The following ADSS1 variants were observed in gnomAD, a reference collection of about 807,000 sequenced individuals.
ADSS1 encodes adenylosuccinate synthase 1.
A neutral mutation model predicts 59.1 loss-of-function variants in ADSS1; 57 were observed. That is an observed-to-expected ratio of 0.97 (90% CI 0.78 to 1.20). ADSS1 has a LOEUF of 1.20. Among genes scored for constraint, ADSS1 ranks in the 50% most tolerant of loss-of-function variants. ADSS1 has a pLI of 0.00. For missense variants in ADSS1, 603 were observed against 610.3 expected (o/e 0.99, Z 0.13); for synonymous variants, 247 against 249.4 (o/e 0.99, Z 0.09).
At chr14:104,745,924 C>CTT (rs10623258) in intron 11 of ADSS1, 116,802 of 218,660 alleles carry the variant, frequency 0.53, 33,138 homozygotes, top group African/African-American at 0.72. Context: ...TCTAGAGTCT[C>CTT]AGAATTTCCA....
In ADSS1 at chr14:104,738,453, C is replaced by T. The variant is rs1218652237; in HGVS notation, c.358+15C>T. Reference sequence around the variant, plus strand: ...TGAAAAGAAAGGTAGGTCCAAGCTCCTGCAGACTTGCCCTGTCCCAGACGC... The same window carrying T: ...TGAAAAGAAAGGTAGGTCCAAGCTCTTGCAGACTTGCCCTGTCCCAGACGC... On this transcript the variant is annotated intron_variant, in intron 3 of 12. Coordinates refer to ENST00000330877, the MANE Select transcript of ADSS1 (RefSeq NM_152328.5). 1.2e-6 allele frequency: 2 copies of T among 1,613,166 alleles called. No homozygotes were observed. Among genetic ancestry groups the T allele is most frequent in the Admixed American group, 1.7e-5 (1 of 60,002 alleles).
intron 1 of ADSS1, 144 bp downstream of exon 1, chr14:104,724,606 C>A (rs745401007): frequency 1.8e-6 from 2 of 1,103,938 alleles, no homozygotes; most frequent in African/African-American, 1.6e-5. Context: ...CCCAGGGCCA[C>A]CCCACCCACG....
At position 104,746,078 on chromosome 14, in the gene ADSS1, G is replaced by GA. The variant is rs902565510; in HGVS notation, c.1172-154dup. ...TCCCCTGCTTACCACCCAACACTGA[G>GA]AAAATCAAACTGGGCCACGTGCCCA... On this transcript the variant is annotated intron_variant, in intron 11 of 12. Coordinates refer to ENST00000330877, the MANE Select transcript of ADSS1 (RefSeq NM_152328.5). 121 of 912,090 alleles carry GA rather than the reference G, an allele frequency of 1.3e-4. No individual in the cohort carries two copies. The African/African-American group carries it at 1.6e-3, about 12-fold the overall frequency. The allele number at this position is 912,090 out of a possible 1,614,324, so 56.5% of individuals were successfully genotyped here. A position where few individuals can be genotyped will look rare whatever the true frequency, so the allele number is the denominator to read the frequency against.
At chr14:104,724,906 C>T (rs943889179) in intron 1 of ADSS1, among the ~76,000 whole-genome samples, 7 of 152,178 alleles carry the variant, frequency 4.6e-5, no homozygotes, top group African/African-American at 1.7e-4. Flanking sequence ...TAGGGCTTAC[C>T]TGGCTCCCCG....
chr14:104,744,658 A>G (rs534581213), intron 10 of ADSS1, 154 bp from the exon 11 acceptor site: 11 of 642,294 alleles, frequency 1.7e-5, no homozygotes, highest in South Asian at 7.7e-5. Flanking sequence ...CTGCAGCCCA[A>G]TTCCAAACAG....
intron 1 of ADSS1, among the ~76,000 whole-genome samples, chr14:104,727,515 C>T (rs922592731): frequency 3.9e-5 from 6 of 152,326 alleles, no homozygotes; most frequent in African/African-American, 1.2e-4. Context: ...TCTGCGGCCA[C>T]ATCACATCGT....
chr14:104,736,881 GATATATATATATATATATATATAT>G (rs57122419), intron 2 of ADSS1, among the ~76,000 whole-genome samples: 11 of 106,588 alleles, frequency 1.0e-4, no homozygotes, highest in Non-Finnish European at 1.9e-4. Flanking sequence ...GCACCTAGCT[GATATATATATATATATATATATAT>G]ATATATATGC....
chr14:104,734,351 C>T (rs1891038933), intron 1 of ADSS1, among the ~76,000 whole-genome samples: 2 of 152,332 alleles, frequency 1.3e-5, no homozygotes, highest in South Asian at 4.1e-4. Context: ...CTAGCTTATC[C>T]TCTAGCTTCC....
intron 8 of ADSS1, among the ~76,000 whole-genome samples, 164 bp from the exon 9 acceptor site, chr14:104,741,684 C>A (rs991804236): frequency 6.6e-6 from 1 of 152,248 alleles, no homozygotes; most frequent in Non-Finnish European, 1.5e-5. Context: ...GCACACAGCA[C>A]CCATTCGGCC....
chr14:104,746,309 C>T lies in ADSS1; in HGVS notation c.1245C>T (p.Gly415=), dbSNP rs200657817. The T allele has an allele frequency of 4.5e-4, 724 of 1,613,796 alleles. 5 individuals carry two copies. The highest frequency in any genetic ancestry group is 4.3e-3 in the Middle Eastern group (26 of 6,060). The stretch of plus-strand genomic sequence containing the variant: ...CTGGGTGGAAAGCAGACACCACAGG[C>T]GCCAGGAGGTGGGAGGACCTGCCCC... ...TLPGWKADTT[G]ARRWEDLPPQ... Residue 415 remains glycine (G), a synonymous_variant, in exon 12 of 13, where the codon GGC becomes GGT. Coordinates refer to ENST00000330877, the MANE Select transcript of ADSS1 (RefSeq NM_152328.5).
Position 104,746,944 on chromosome 14 carries a change from C to T in ADSS1, c.1322-7C>T, listed in dbSNP as rs967922524. 1.1e-5 allele frequency: 18 copies of T among 1,613,962 alleles called. No homozygotes were observed. Among genetic ancestry groups the T allele is most frequent in the Non-Finnish European group, 1.5e-5 (18 of 1,179,944 alleles). ...GTGTATCATAACAGTCTTTTCTGCT[C>T]TCTCAGTCAAATGGGTTGGTGTTGG... is the stretch of plus-strand genomic sequence containing the variant. On this transcript the variant is annotated splice_polypyrimidine_tract_variant and splice_region_variant and intron_variant, in intron 12 of 12. Transcript: ENST00000330877.
intron 10 of ADSS1, 39 bp downstream of exon 10, chr14:104,743,230 C>G (rs1177740534): frequency 6.2e-7 from 1 of 1,600,880 alleles, no homozygotes; most frequent in Admixed American, 1.7e-5. Context: ...GGGACCGTCC[C>G]TGACTCCCGA....
intron 2 of ADSS1, chr14:104,737,605 G>T (rs1891180970): frequency 6.6e-6 from 1 of 152,374 alleles, no homozygotes; most frequent in Non-Finnish European, 1.5e-5. Context: ...AATGTGTTTT[G>T]CATCCATCAC....
chr14:104,727,727 CCT>C (rs546863031), intron 1 of ADSS1, among the ~76,000 whole-genome samples: 63 of 152,310 alleles, frequency 4.1e-4, no homozygotes, highest in African/African-American at 1.3e-3. Flanking sequence ...TCCCCTGCCC[CCT>C]GTTCCCAGGC....
intron 1 of ADSS1, chr14:104,730,135 C>T (rs1175994482): frequency 1.3e-6 from 2 of 1,547,028 alleles, no homozygotes; most frequent in South Asian, 1.2e-5. Context: ...GGAGGAGCCA[C>T]GGGTCAAATG....
chr14:104,746,250 C>T lies in ADSS1; in HGVS notation c.1186C>T (p.Leu396Phe). The change falls in exon 12 of 13, where the codon CTT becomes TTT. Residue 396 changes from leucine (L) to phenylalanine (F), a missense_variant. Transcript: ENST00000330877. Reference sequence around the variant, plus strand: ...GCTTCCCCCAGCTAACCAGGAGATGCTTCAGAAGGTCGAAGTTGAGTATGA... The same window carrying T: ...GCTTCCCCCAGCTAACCAGGAGATGTTTCAGAAGGTCGAAGTTGAGTATGA... ...IPYFPANQEM[L>F]QKVEVEYETL... The T allele has an allele frequency of 6.2e-7, 1 of 1,611,012 alleles. No individual in the cohort carries two copies. The highest frequency in any genetic ancestry group is 8.5e-7 in the Non-Finnish European group (1 of 1,177,858).
At chr14:104,728,763 G>A (rs989714018) in intron 1 of ADSS1, among the ~76,000 whole-genome samples, 6 of 152,220 alleles carry the variant, frequency 3.9e-5, no homozygotes, top group African/African-American at 1.4e-4. Flanking sequence ...TGCCTGGCGT[G>A]AGCTCGCTGA....
At chr14:104,746,123 C>A (rs1372216909) in intron 11 of ADSS1, 113 bp from the exon 12 acceptor site, 5 of 1,401,610 alleles carry the variant, frequency 3.6e-6, no homozygotes, top group Non-Finnish European at 4.8e-6. Flanking sequence ...TTCCTTGCAG[C>A]TGAGTCCCTA....
At chr14:104,730,245 G>T (rs1428329066) in intron 1 of ADSS1, 1 of 1,458,570 alleles carries the variant, frequency 6.9e-7, no homozygotes, top group Admixed American at 2.4e-5. Context: ...TGTAACTCCA[G>T]CACTTTGGGA....
Sources: allele counts gnomAD v4.1 joint callset (sites outside exome capture counted in the v4.1 genomes callset), GRCh38; gene constraint gnomAD v4.1.1; transcripts MANE v1.5; gene names NCBI Gene and HGNC (gene_info 2026-07-23, HGNC 2026-07-21).